The following EHD1 variants were observed in gnomAD, a reference collection of about 807,000 sequenced individuals.
EHD1 encodes EH domain containing 1.
A neutral mutation model predicts 39.0 loss-of-function variants in EHD1; 19 were observed. The observed-to-expected ratio is 0.49, with a 90% CI of 0.34 to 0.72. EHD1 has a LOEUF of 0.72. EHD1 is among the 30% of genes least tolerant of loss of function. The probability of loss-of-function intolerance (pLI) is 0.01; values close to 1 mark genes in which losing one functional copy is unlikely to be tolerated. For synonymous variants in EHD1, 323 were observed against 331.2 expected, an observed-to-expected ratio of 0.98 and a Z score of 0.27; for missense variants, 542 against 751.5, an observed-to-expected ratio of 0.72 and a Z score of 3.26.
rs148731033 is a variant in EHD1, at chr11:64,866,795, T to C, written c.503-6459A>G. On this transcript the variant is annotated intron_variant, in intron 2 of 4. Transcript: ENST00000320631. ...ACTCCATTTACCTGTATAACAAACC[T>C]GTACATGTACTCCTGAACCTAAAAG... Among the ~76,000 whole-genome samples the C allele has an allele frequency of 6.0e-3, 910 of 152,276 alleles. 11 individuals carry two copies. The highest frequency in any genetic ancestry group is 0.021 in the African/African-American group (859 of 41,540).
At chr11:64,871,457 A>T (rs1943830173) in intron 2 of EHD1, among the ~76,000 whole-genome samples, 1 of 152,160 alleles carries the variant, frequency 6.6e-6, no homozygotes. Context: ...TGGAGTTTAC[A>T]CCCAGCACCT....
In EHD1 at chr11:64,868,250, T is replaced by C. The variant is rs1192672482; in HGVS notation, c.502+6171A>G. On this transcript the variant is annotated intron_variant, in intron 2 of 4. Coordinates refer to ENST00000320631, the MANE Select transcript of EHD1 (RefSeq NM_006795.4). The surrounding 1 kb of genome is among the most constrained non-coding windows in gnomAD (Gnocchi z 4.2). ...CGCCCTAGCTCTCCATCACACAGGT[T>C]TCCAACGCGTGCTGGGCCTCGTTCC... is the stretch of plus-strand genomic sequence containing the variant. Among the ~76,000 whole-genome samples the C allele has an allele frequency of 6.6e-6, 1 of 152,180 alleles. No homozygotes were observed. Among genetic ancestry groups the C allele is most frequent in the East Asian group, 1.9e-4 (1 of 5,202 alleles).
In EHD1 at chr11:64,854,864, G is replaced by A; in HGVS notation, c.1081-7C>T. The A allele has an allele frequency of 6.3e-7, 1 of 1,595,890 alleles. No homozygotes were observed. The highest frequency in any genetic ancestry group is 8.5e-7 in the Non-Finnish European group (1 of 1,177,064). The stretch of plus-strand genomic sequence containing the variant: ...CCTGGGTCTGCAGGAGTTCCTGTGG[G>A]CGGGGGAGGAAGGACAAGGGCTGGG... On this transcript the variant is annotated splice_region_variant and splice_polypyrimidine_tract_variant and intron_variant, in intron 4 of 4. Coordinates refer to ENST00000320631, the MANE Select transcript of EHD1 (RefSeq NM_006795.4).
intron 1 of EHD1, 57 bp downstream of exon 1, chr11:64,878,004 C>CCGT (rs538539151): frequency 1.8e-5 from 27 of 1,461,246 alleles, no homozygotes; most frequent in Middle Eastern, 4.6e-4. Context: ...GGTCAGGCTC[C>CCGT]GAGTGAGGGG....
chr11:64,869,460 T>C (rs976654889), intron 2 of EHD1, among the ~76,000 whole-genome samples: 4 of 152,222 alleles, frequency 2.6e-5, no homozygotes, highest in Non-Finnish European at 5.9e-5. Context: ...AGGATGTTAC[T>C]CAGATCACCG....
chr11:64,874,099 T>A lies in EHD1; in HGVS notation c.502+322A>T, dbSNP rs568204159. Among the ~76,000 whole-genome samples the A allele has an allele frequency of 1.2e-3, 185 of 148,510 alleles. 1 individual carries two copies. The highest frequency in any genetic ancestry group is 4.5e-3 in the African/African-American group (182 of 40,382). On this transcript the variant is annotated intron_variant, in intron 2 of 4. Coordinates refer to ENST00000320631, the MANE Select transcript of EHD1 (RefSeq NM_006795.4). ...GGCGGGCAGATCATGAGGTCAGGAG[T>A]TCGAGACCAGCCTGGCCAATATAGT...
In EHD1 at chr11:64,854,278, C is replaced by G. The variant is rs577914472; in HGVS notation, c.*55G>C. ...GAGAAATGGTGAGGCTTCCCCTCCC[C>G]CCGTCTCTGCCTCCCGGCCGGGCGT... is the stretch of plus-strand genomic sequence containing the variant. On this transcript the variant is annotated 3_prime_UTR_variant, in exon 5 of 5. Transcript: ENST00000320631. 26 of 1,533,786 alleles carry G rather than the reference C, an allele frequency of 1.7e-5. No individual in the cohort carries two copies. Among genetic ancestry groups the G allele is most frequent in the Middle Eastern group, 1.7e-4 (1 of 5,736 alleles).
Position 64,878,586 on chromosome 11 carries a change from G to A in EHD1, c.-122C>T, listed in dbSNP as rs1162987398. Reference sequence around the variant, plus strand: ...CGGGAGCGACCCACACTGCGCAGGCGCACAGCCCAGCCCGTCGAAGCGCCC... The same window carrying A: ...CGGGAGCGACCCACACTGCGCAGGCACACAGCCCAGCCCGTCGAAGCGCCC... On this transcript the variant is annotated 5_prime_UTR_variant, in exon 1 of 5. Transcript: ENST00000320631. The A allele has an allele frequency of 2.9e-5, 42 of 1,439,898 alleles. No homozygotes were observed. In the East Asian group the frequency reaches 9.3e-4, roughly 32 times the overall value. The allele number at this position is 1,439,898 out of a possible 1,614,324, so 89.2% of individuals were successfully genotyped here. A position where few individuals can be genotyped will look rare whatever the true frequency, so the allele number is the denominator to read the frequency against.
At chr11:64,870,180 T>TCTGTGTGTCTCAGGAGGGACACACATTA (rs2136494625) in intron 2 of EHD1, among the ~76,000 whole-genome samples, 1 of 152,202 alleles carries the variant, frequency 6.6e-6, no homozygotes, top group South Asian at 2.1e-4. Context: ...GAGGGTGGCC[T>TCTGTGTGTCTCAGGAGGGACACACATTA]CTGTGTGTCT....
Position 64,854,219 on chromosome 11 carries a change from G to A in EHD1, c.*114C>T, listed in dbSNP as rs1592742228. On this transcript the variant is annotated 3_prime_UTR_variant, in exon 5 of 5. Transcript: ENST00000320631. ...AGATGGTGGTTTTCCTTTTCGAGAG[G>A]CGAGGAAACATCCGCTCAGTCTTTA... 3 of 1,431,548 alleles carry A rather than the reference G, an allele frequency of 2.1e-6. No individual in the cohort carries two copies. The highest frequency in any genetic ancestry group is 1.8e-6 in the Non-Finnish European group (2 of 1,092,674). The allele number at this position is 1,431,548 out of a possible 1,614,324, so 88.7% of individuals were successfully genotyped here.
intron 1 of EHD1, 68 bp from the exon 2 acceptor site, chr11:64,874,586 G>A (rs1943865965): frequency 7.6e-7 from 1 of 1,308,638 alleles, no homozygotes. Context: ...ACACAACAAA[G>A]GGCTCTCTGT....
intron 2 of EHD1, among the ~76,000 whole-genome samples, chr11:64,863,609 C>T (rs1369210994): frequency 1.3e-5 from 2 of 152,352 alleles, no homozygotes; most frequent in East Asian, 1.9e-4. Context: ...GAGTCAAGCT[C>T]GCTCATGGGA....
At chr11:64,878,950 C>T (rs1592757748), upstream of EHD1, 1 of 1,007,582 alleles carries the variant, frequency 9.9e-7, no homozygotes, top group Admixed American at 5.6e-5. Context: ...CACCGTGGCC[C>T]CCCCACACCC....
chr11:64,866,010 T>TA (rs1273848904), intron 2 of EHD1, among the ~76,000 whole-genome samples: 2 of 152,140 alleles, frequency 1.3e-5, no homozygotes, highest in African/African-American at 4.8e-5. Flanking sequence ...TTACTGGGCA[T>TA]AAACCCTAAG....
At chr11:64,858,055 A>G (rs1226807137) in intron 3 of EHD1, among the ~76,000 whole-genome samples, 1 of 147,372 alleles carries the variant, frequency 6.8e-6, no homozygotes, top group Non-Finnish European at 1.5e-5. Context: ...TTTAAATTAA[A>G]TAGAGACAGG....
At chr11:64,873,866 A>G (rs1159420170) in intron 2 of EHD1, among the ~76,000 whole-genome samples, 2 of 151,204 alleles carry the variant, frequency 1.3e-5, no homozygotes, top group African/African-American at 4.9e-5. Flanking sequence ...TTTAGTAGAG[A>G]TGGGGTTTCA....
intron 1 of EHD1, among the ~76,000 whole-genome samples, chr11:64,876,554 G>A (rs945643745): frequency 1.3e-4 from 20 of 152,262 alleles, no homozygotes; most frequent in Admixed American, 1.2e-3. Flanking sequence ...AGAAGCAGCA[G>A]AAAGCAGTAA....
chr11:64,857,239 A>G (rs1186827729), intron 3 of EHD1, among the ~76,000 whole-genome samples: 1 of 152,184 alleles, frequency 6.6e-6, no homozygotes, highest in Non-Finnish European at 1.5e-5. Flanking sequence ...AGCCTGATCA[A>G]CATGGTGAAA....
At chr11:64,860,363 G>T in intron 2 of EHD1, 27 bp from the exon 3 acceptor site, 7 of 1,590,840 alleles carry the variant, frequency 4.4e-6, no homozygotes, top group Non-Finnish European at 6.0e-6. Flanking sequence ...GGAGAGCTCA[G>T]GGGCGCCAAG....
Sources: gnomAD v4.1 joint callset for allele counts (sites outside exome capture counted in the v4.1 genomes callset) on GRCh38, gnomAD v4.1.1 for gene constraint, Gnocchi (gnomAD v3.1) non-coding constraint, MANE v1.5 for transcripts, NCBI Gene and HGNC (gene_info 2026-07-23, HGNC 2026-07-21) for gene names.